SNRNP200: variants seen among roughly 807,000 people sequenced by gnomAD.
SNRNP200 encodes small nuclear ribonucleoprotein U5 subunit 200, also known as U5 small nuclear ribonucleoprotein 200 kDa helicase.
A neutral mutation model predicts 255.2 loss-of-function variants in SNRNP200; 66 were observed. That is an observed-to-expected ratio of 0.26 (90% CI 0.21 to 0.32). SNRNP200 has a LOEUF of 0.32. Among genes scored for constraint, SNRNP200 ranks in the 10% least tolerant of loss-of-function variants. The pLI is 1.00. For missense variants in SNRNP200, 1,585 were observed against 2,749.8 expected, an observed-to-expected ratio of 0.58 and a Z score of 9.47; for synonymous variants, 939 against 1,027.8, an observed-to-expected ratio of 0.91 and a Z score of 1.65.
At chr2:96,295,330 C>T (rs2063910132) in intron 14 of SNRNP200, among the ~76,000 whole-genome samples, 158 bp downstream of exon 14, 1 of 152,208 alleles carries the variant, frequency 6.6e-6, no homozygotes, top group Non-Finnish European at 1.5e-5. Flanking sequence ...CCTCTGTCAT[C>T]GTGGAGAAGA....
In SNRNP200 at chr2:96,283,784, C is replaced by T; in HGVS notation, c.4584+29G>A. The T allele has an allele frequency of 6.2e-7, 1 of 1,613,916 alleles. No individual in the cohort carries two copies. The highest frequency in any genetic ancestry group is 2.2e-5 in the East Asian group (1 of 44,882). ...GTCACTCAGGATCTATGTGACACCC[C>T]ACAGACGGATGAGGAGAGTGGGTCC... On this transcript the variant is annotated intron_variant, in intron 32 of 44. Coordinates refer to ENST00000323853, the MANE Select transcript of SNRNP200 (RefSeq NM_014014.5). The surrounding 1 kb of genome is among the most constrained non-coding windows in gnomAD (Gnocchi z 4.7).
Position 96,281,616 on chromosome 2 carries a change from G to A in SNRNP200, c.5024+198C>T. ...CTACCTCTCCCAGCTGCTGAATAAG[G>A]AAGCACAATGACTAAAAAGCAAATG... On this transcript the variant is annotated intron_variant, in intron 35 of 44. Transcript: ENST00000323853. The A allele has an allele frequency of 6.7e-6, 4 of 594,480 alleles. No homozygotes were observed. The South Asian group carries it at 7.1e-5, about 11-fold the overall frequency. 36.8% of individuals were successfully genotyped at this position (594,480 alleles called of 1,614,324 possible). A position where few individuals can be genotyped will look rare whatever the true frequency, so the allele number is the denominator to read the frequency against.
rs752635015 is a variant in SNRNP200, at chr2:96,275,041, C to G, written c.6382G>C (p.Glu2128Gln). ...QEYKFSVDVK[E>Q]AETDSDSD ...TCTGAATCACTGTCTGTCTCAGCTT[C>G]TTTCACATCCACGCTGAATTTGTAC... The change falls in exon 45 of 45, where the codon GAA becomes CAA. Residue 2128 changes from glutamate (E) to glutamine (Q), a missense_variant. Glu to Gln is a conservative substitution (Grantham distance 29). This residue lies in a region of SNRNP200 where 279 missense variants were observed against 551.2 expected (regional missense o/e 0.51). Coordinates refer to ENST00000323853, the MANE Select transcript of SNRNP200 (RefSeq NM_014014.5). 3.7e-6 allele frequency: 6 copies of G among 1,614,246 alleles called. No individual in the cohort carries two copies. Among genetic ancestry groups the G allele is most frequent in the Non-Finnish European group, 5.1e-6 (6 of 1,180,050 alleles).
In SNRNP200 at chr2:96,295,645, T is replaced by C. The variant is rs781422160; in HGVS notation, c.1685A>G (p.Tyr562Cys). The change falls in exon 14 of 45, where the codon TAT (tyrosine) becomes TGT (cysteine). Residue 562 changes from tyrosine to cysteine, a missense_variant. By Grantham distance (194) the Tyr-to-Cys change is radical. Around this residue, in one of 9 missense-constraint regions of SNRNP200, gnomAD observed 56 missense variants for 77.4 expected, o/e 0.72. Coordinates refer to ENST00000323853, the MANE Select transcript of SNRNP200 (RefSeq NM_014014.5). The part of the protein sequence containing the change: ...VGSFGKRLAT[Y>C]GITVAELTGD... ...AGTCAGTTCAGCAACAGTGATGCCA[T>C]AAGTGGCCAGGCGCTGTGGGAGGAA... The C allele has an allele frequency of 1.2e-6, 2 of 1,613,688 alleles. No homozygotes were observed. Among genetic ancestry groups the C allele is most frequent in the Admixed American group, 1.7e-5 (1 of 60,008 alleles).
At position 96,287,538 on chromosome 2, in the gene SNRNP200, G is replaced by A. The variant is rs757755530; in HGVS notation, c.3385C>T (p.Leu1129=). 9 of 1,613,918 alleles carry A rather than the reference G, an allele frequency of 5.6e-6. No homozygotes were observed. In the African/African-American group the frequency reaches 1.2e-4, roughly 22 times the overall value. The change falls in exon 26 of 45, where the codon CTG becomes TTG. Residue 1129 remains leucine (L), a synonymous_variant. Transcript: ENST00000323853. The surrounding 1 kb of genome is among the most constrained non-coding windows in gnomAD (Gnocchi z 5.7). ...TCAGGGAGTTTCCGGAACTGGCGCA[G>A]AGGACACATGGACTGCCACCTATCC... ...DKRMWQSMCP[L]RQFRKLPEEV... is the part of the protein sequence containing the mutation.
In SNRNP200 at chr2:96,278,824, A is replaced by T. The variant is rs1192334958; in HGVS notation, c.5308T>A (p.Tyr1770Asn). Residue 1770 changes from tyrosine (Y) to asparagine (N), a missense_variant, in exon 37 of 45, where the codon TAC (tyrosine) becomes AAC (asparagine). By Grantham distance (143) the Tyr-to-Asn change is moderately radical. Coordinates refer to ENST00000323853, the MANE Select transcript of SNRNP200 (RefSeq NM_014014.5). This position sits in a 1 kb window ranked among gnomAD's most constrained non-coding sequence, Gnocchi z 6.9. ...LYRRMTQNPN[Y>N]YNLQGISHRH... ...GCCCACTGACCCTGCAGGTTGTAGTAATTGGGGTTCTGTGTCATGCGGCGG... is the reference window on the plus strand; with the variant it reads ...GCCCACTGACCCTGCAGGTTGTAGTTATTGGGGTTCTGTGTCATGCGGCGG... The T allele has an allele frequency of 6.2e-7, 1 of 1,614,028 alleles. No individual in the cohort carries two copies. Among genetic ancestry groups the T allele is most frequent in the Non-Finnish European group, 8.5e-7 (1 of 1,180,034 alleles).
Position 96,275,094 on chromosome 2 carries a change from C to T in SNRNP200, c.6329G>A (p.Ser2110Asn). The T allele has an allele frequency of 9.9e-6, 16 of 1,614,260 alleles. No individual in the cohort carries two copies. The highest frequency in any genetic ancestry group is 1.4e-5 in the Non-Finnish European group (16 of 1,180,042). The change falls in exon 45 of 45, where the codon AGT becomes AAT. Residue 2110 changes from serine (S) to asparagine (N), a missense_variant. Ser to Asn is a conservative substitution (Grantham distance 46). This residue lies in a region of SNRNP200 where 279 missense variants were observed against 551.2 expected (regional missense o/e 0.51). Transcript: ENST00000323853. ...CTGGTCACATCCCATGTAAGCGTCA[C>T]TCATGAAGTACAGAGTGTAGTTGTG... ...GAHNYTLYFM[S>N]DAYMGCDQEY...
At chr2:96,302,893 C>T (rs562611449) in intron 3 of SNRNP200, among the ~76,000 whole-genome samples, 4 of 152,314 alleles carry the variant, frequency 2.6e-5, no homozygotes, top group African/African-American at 9.6e-5. Context: ...TCAGGCGCAC[C>T]ACCCTCCAGA....
At position 96,277,795 on chromosome 2, in the gene SNRNP200, C is replaced by G; in HGVS notation, c.5754+12G>C. On this transcript the variant is annotated intron_variant, in intron 40 of 44. Coordinates refer to ENST00000323853, the MANE Select transcript of SNRNP200 (RefSeq NM_014014.5). This position sits in a 1 kb window ranked among gnomAD's most constrained non-coding sequence, Gnocchi z 4.4. ...GCACCACTGACCCCTCTGCCCCACA[C>G]CCACACTCTACCTTACTAAGGATTT... 1 of 1,614,220 alleles carries G rather than the reference C, an allele frequency of 6.2e-7. No homozygotes were observed. The highest frequency in any genetic ancestry group is 8.5e-7 in the Non-Finnish European group (1 of 1,180,042).
intron 21 of SNRNP200, 98 bp downstream of exon 21, chr2:96,289,701 A>G (rs534722267): frequency 1.9e-6 from 2 of 1,049,894 alleles, no homozygotes; most frequent in Admixed American, 3.4e-5. Flanking sequence ...AGGTGATTAG[A>G]TAGGCAGTAC....
rs1437879702 is a variant in SNRNP200 at position 96,277,702 on chromosome 2, A to G, written c.5768T>C (p.Ile1923Thr). ...GGAAAGGACATCCACGCAGGCCTGG[A>G]TGAGCCGGATTGCCTGAACAGGAAA... ...EEILSKAIRLIQACVDVLSSN... is the reference protein window; with the variant it reads ...EEILSKAIRLTQACVDVLSSN... The change falls in exon 41 of 45, where the codon ATC (isoleucine) becomes ACC (threonine). Residue 1923 changes from isoleucine (I) to threonine (T), a missense_variant. Around this residue, in one of 9 missense-constraint regions of SNRNP200, gnomAD observed 279 missense variants for 551.2 expected, o/e 0.51. Coordinates refer to ENST00000323853, the MANE Select transcript of SNRNP200 (RefSeq NM_014014.5). This position sits in a 1 kb window ranked among gnomAD's most constrained non-coding sequence, Gnocchi z 4.4. 1 of 1,614,110 alleles carries G rather than the reference A, an allele frequency of 6.2e-7. No individual in the cohort carries two copies. The highest frequency in any genetic ancestry group is 2.2e-5 in the East Asian group (1 of 44,888).
In SNRNP200 at chr2:96,287,274, G is replaced by T. The variant is rs1204756258; in HGVS notation, c.3485-114C>A. On this transcript the variant is annotated intron_variant, in intron 26 of 44. Transcript: ENST00000323853. This position sits in a 1 kb window ranked among gnomAD's most constrained non-coding sequence, Gnocchi z 5.7. ...GGGTCTTCCCTTTATGGTCAGTGGA[G>T]CCCAGGATTCCAAGTCCCCAGACCA... 8 of 1,404,860 alleles carry T rather than the reference G, an allele frequency of 5.7e-6. No homozygotes were observed. The East Asian group carries it at 1.8e-4, about 32-fold the overall frequency. 87.0% of individuals were successfully genotyped at this position (1,404,860 alleles called of 1,614,324 possible).
intron 34 of SNRNP200, chr2:96,282,569 G>A (rs1468081002): frequency 5.5e-6 from 1 of 180,490 alleles, no homozygotes; most frequent in Non-Finnish European, 1.2e-5. Context: ...AGGGCCTGGT[G>A]GGAGATGACT....
rs547366008 is a variant in SNRNP200 at position 96,287,754 on chromosome 2, T to C, written c.3365+109A>G. The C allele has an allele frequency of 1.1e-4, 116 of 1,040,690 alleles. No homozygotes were observed. The highest frequency in any genetic ancestry group is 1.9e-4 in the Admixed American group (11 of 58,508). The allele number at this position is 1,040,690 out of a possible 1,614,324, so 64.5% of individuals were successfully genotyped here. A position where few individuals can be genotyped will look rare whatever the true frequency, so the allele number is the denominator to read the frequency against. ...ATGTGCACCAAGGTTCAGGTCATAC[T>C]TCCGATGTCAGGTCTGGAGATCAGA... On this transcript the variant is annotated intron_variant, in intron 25 of 44. Transcript: ENST00000323853. This position sits in a 1 kb window ranked among gnomAD's most constrained non-coding sequence, Gnocchi z 5.7.
intron 36 of SNRNP200, 163 bp downstream of exon 36, chr2:96,279,288 A>G (rs1684720874): frequency 1.4e-6 from 1 of 695,088 alleles, no homozygotes; most frequent in Non-Finnish European, 2.5e-6. Flanking sequence ...AGCAAAAGGC[A>G]GCAAAATTCC....
At position 96,278,201 on chromosome 2, in the gene SNRNP200, T is replaced by C; in HGVS notation, c.5610+36A>G. On this transcript the variant is annotated intron_variant, in intron 39 of 44. Coordinates refer to ENST00000323853, the MANE Select transcript of SNRNP200 (RefSeq NM_014014.5). This position sits in a 1 kb window ranked among gnomAD's most constrained non-coding sequence, Gnocchi z 6.9. ...CTGGGCACACAGGCCGAGTTTGTTGTTCCCAGGATGCTCTCCTGAAGTCTG... is the reference window on the plus strand; with the variant it reads ...CTGGGCACACAGGCCGAGTTTGTTGCTCCCAGGATGCTCTCCTGAAGTCTG... The C allele has an allele frequency of 6.2e-7, 1 of 1,613,970 alleles. No individual in the cohort carries two copies. Among genetic ancestry groups the C allele is most frequent in the South Asian group, 1.1e-5 (1 of 91,002 alleles).
At position 96,283,568 on chromosome 2, in the gene SNRNP200, A is replaced by C. The variant is rs2063821736; in HGVS notation, c.4730T>G (p.Leu1577Arg). The C allele has an allele frequency of 2.2e-5, 35 of 1,614,010 alleles. No homozygotes were observed. The highest frequency in any genetic ancestry group is 2.8e-5 in the Non-Finnish European group (33 of 1,180,022). ...TTGGATGTCTGCTGCACAGGTGGTG[A>C]GGATGTCAATGGCAGTGAGGCGGGT... ...KQTRLTAIDI[L>R]TTCAADIQRQ... The change falls in exon 33 of 45, where the codon CTC becomes CGC. Residue 1577 changes from leucine (L) to arginine (R), a missense_variant. Leu to Arg is a moderately radical substitution (Grantham distance 102). Transcript: ENST00000323853. This position sits in a 1 kb window ranked among gnomAD's most constrained non-coding sequence, Gnocchi z 4.7.
intron 12 of SNRNP200, 71 bp downstream of exon 12, chr2:96,296,862 T>A: frequency 6.2e-7 from 1 of 1,606,890 alleles, no homozygotes; most frequent in Non-Finnish European, 8.5e-7. Context: ...GGGGTGGAAA[T>A]AAAAAACAAT....
intron 2 of SNRNP200, 62 bp downstream of exon 2, chr2:96,304,643 C>A: frequency 6.2e-7 from 1 of 1,602,126 alleles, no homozygotes; most frequent in South Asian, 1.1e-5. Flanking sequence ...AAATGCTGCT[C>A]GAATGTTAAA....
Sources: gnomAD v4.1 joint callset for allele counts (sites outside exome capture counted in the v4.1 genomes callset) on GRCh38, gnomAD v4.1.1 for gene constraint, gnomAD v4.1.1 regional missense constraint, Gnocchi (gnomAD v3.1) non-coding constraint, MANE v1.5 for transcripts, NCBI Gene and HGNC (gene_info 2026-07-23, HGNC 2026-07-21) for gene names.